FHIT: variants seen among roughly 807,000 people sequenced by gnomAD.
FHIT encodes bis(5'-adenosyl)-triphosphatase.
In FHIT, 19 loss-of-function variants were observed where a neutral mutation model predicts 17.9. The observed-to-expected ratio is 1.06, with a 90% CI of 0.74 to 1.56. FHIT has a LOEUF of 1.56. Ranked by LOEUF, FHIT falls within the 40% of genes most tolerant of loss-of-function variation. The pLI is 0.00. For synonymous variants in FHIT, 81 were observed against 69.7 expected (o/e 1.16, Z -0.81); for missense variants, 248 against 189.2 (o/e 1.31, Z -1.82).
intron 7 of FHIT, among the ~76,000 whole-genome samples, chr3:59,930,396 C>A (rs1471020479): frequency 6.6e-6 from 1 of 152,140 alleles, no homozygotes; most frequent in African/African-American, 2.4e-5. Context: ...TGCTGCTGAA[C>A]CGAAAGTTCA....
In FHIT at chr3:60,429,469, A is replaced by G. The variant is rs560636062; in HGVS notation, c.103+107391T>C. On this transcript the variant is annotated intron_variant, in intron 5 of 9. Coordinates refer to ENST00000492590, the MANE Select transcript of FHIT (RefSeq NM_002012.4). ...AGGAGGAATTTCCTGAACAGGCACA[A>G]CAACTTCAGACCCATGAGGGATGGG... Among the ~76,000 whole-genome samples, 3 of 152,116 alleles carry G rather than the reference A, an allele frequency of 2.0e-5. No homozygotes were observed. The South Asian group carries it at 6.2e-4, about 32-fold the overall frequency.
At chr3:59,814,430 A>G (rs1273780352) in intron 8 of FHIT, among the ~76,000 whole-genome samples, 5 of 152,182 alleles carry the variant, frequency 3.3e-5, no homozygotes, top group Non-Finnish European at 7.4e-5. Context: ...GGCTGCTGAC[A>G]TTTTACAAAA....
chr3:60,400,404 T>C (rs922301560), intron 5 of FHIT, among the ~76,000 whole-genome samples: 2 of 152,122 alleles, frequency 1.3e-5, no homozygotes, highest in Admixed American at 1.3e-4. Flanking sequence ...GTTCGTGGCA[T>C]CAGACTTTCC....
chr3:59,765,923 C>T (rs2106807105), intron 8 of FHIT, among the ~76,000 whole-genome samples: 1 of 152,200 alleles, frequency 6.6e-6, no homozygotes, highest in Non-Finnish European at 1.5e-5. Flanking sequence ...TGACACACAG[C>T]TCATAGGGAG....
chr3:59,808,366 G>A (rs1306639031), intron 8 of FHIT, among the ~76,000 whole-genome samples: 1 of 152,152 alleles, frequency 6.6e-6, no homozygotes, highest in Non-Finnish European at 1.5e-5. Context: ...GGCTTGAAAG[G>A]CTGGCTCTTC....
chr3:60,259,988 A>G (rs1416444219), intron 5 of FHIT, among the ~76,000 whole-genome samples: 3 of 152,092 alleles, frequency 2.0e-5, no homozygotes. Flanking sequence ...CTTCCAGAGC[A>G]TGAAAATGAA....
At chr3:61,215,161 A>G (rs952063352) in intron 1 of FHIT, among the ~76,000 whole-genome samples, 9 of 152,170 alleles carry the variant, frequency 5.9e-5, no homozygotes, top group East Asian at 3.9e-4. Flanking sequence ...TGGCCAGGGC[A>G]ATCAGGCAGG....
At chr3:60,560,865 T>C in intron 4 of FHIT, among the ~76,000 whole-genome samples, 1 of 140,914 alleles carries the variant, frequency 7.1e-6, no homozygotes, top group East Asian at 2.1e-4. Context: ...AGAGTGTGTG[T>C]GTGTGTGTCA....
chr3:60,769,233 G>A (rs1699958712), intron 4 of FHIT, among the ~76,000 whole-genome samples: 1 of 152,076 alleles, frequency 6.6e-6, no homozygotes, highest in Non-Finnish European at 1.5e-5. Context: ...ACAACACCCT[G>A]AAAAGCTAAA....
At chr3:60,966,390 G>A (rs1273258131) in intron 3 of FHIT, among the ~76,000 whole-genome samples, 1 of 152,236 alleles carries the variant, frequency 6.6e-6, no homozygotes. Context: ...CACTTCCCAG[G>A]TGAGGCGATG....
intron 5 of FHIT, among the ~76,000 whole-genome samples, chr3:60,203,273 C>G (rs1017457254): frequency 6.6e-6 from 1 of 152,058 alleles, no homozygotes; most frequent in Non-Finnish European, 1.5e-5. Context: ...ATTAAGAAAC[C>G]TATACCTTCA....
Position 60,780,558 on chromosome 3 carries a change from C to T in FHIT, c.-18+41361G>A, listed in dbSNP as rs1325686604. ...AATAACCTGGTTTGTCTGTTCTTGC[C>T]TTCAGGCCATTAAACTCTAAACAAT... On this transcript the variant is annotated intron_variant, in intron 4 of 9. Coordinates refer to ENST00000492590, the MANE Select transcript of FHIT (RefSeq NM_002012.4). 2.6e-5 allele frequency among the ~76,000 whole-genome samples: 4 copies of T among 152,054 alleles called. No individual in the cohort carries two copies. The East Asian group carries it at 7.7e-4, about 29-fold the overall frequency.
rs927117973 is a variant in FHIT at position 60,023,140 on chromosome 3, G to A, written c.104-8988C>T. ...CAATAGAAGAAATAAATTGCACTCA[G>A]CAGCTGAAGAAATATTTAAAGATAA... On this transcript the variant is annotated intron_variant, in intron 5 of 9. Transcript: ENST00000492590. Among the ~76,000 whole-genome samples, 4 of 152,314 alleles carry A rather than the reference G, an allele frequency of 2.6e-5. No individual in the cohort carries two copies. The East Asian group carries it at 5.8e-4, about 22-fold the overall frequency.
chr3:60,310,395 T>C (rs1018569325), intron 5 of FHIT, among the ~76,000 whole-genome samples: 3 of 151,982 alleles, frequency 2.0e-5, no homozygotes, highest in Non-Finnish European at 4.4e-5. Context: ...AGAACAAGAA[T>C]TGGGTGGAGG....
chr3:60,259,840 A>G (rs1393336727), intron 5 of FHIT, among the ~76,000 whole-genome samples: 1 of 152,056 alleles, frequency 6.6e-6, no homozygotes, highest in Non-Finnish European at 1.5e-5. Context: ...GAGAAAGAGT[A>G]AAGAGTGGGT....
At chr3:59,888,569 A>G (rs764434575) in intron 8 of FHIT, among the ~76,000 whole-genome samples, 3 of 152,326 alleles carry the variant, frequency 2.0e-5, no homozygotes, top group South Asian at 4.1e-4. Flanking sequence ...ATGGGAAAAA[A>G]TCAAGACCCT....
intron 5 of FHIT, among the ~76,000 whole-genome samples, chr3:60,171,775 A>C (rs1244180960): frequency 6.6e-6 from 1 of 152,138 alleles, no homozygotes; most frequent in Non-Finnish European, 1.5e-5. Flanking sequence ...GCATCATTAC[A>C]GTTCACTGTA....
Position 60,178,357 on chromosome 3 carries a change from C to T in FHIT, c.104-164205G>A, listed in dbSNP as rs552656064. The stretch of plus-strand genomic sequence containing the variant: ...ATCCCAGCACTTTGGGAGGCTGAGG[C>T]GGGCGGATCACCTCAGGTCGGGAGT... On this transcript the variant is annotated intron_variant, in intron 5 of 9. Transcript: ENST00000492590. Among the ~76,000 whole-genome samples, 51 of 152,050 alleles carry T rather than the reference C, an allele frequency of 3.4e-4. 1 individual carries two copies. Among genetic ancestry groups the T allele is most frequent in the South Asian group, 4.1e-4 (2 of 4,820 alleles).
chr3:60,972,503 T>C (rs1466001607), intron 3 of FHIT, among the ~76,000 whole-genome samples: 2 of 152,108 alleles, frequency 1.3e-5, no homozygotes, highest in Non-Finnish European at 2.9e-5. Context: ...GATGCATTTA[T>C]TTGTCTTCAA....
Sources: allele counts gnomAD v4.1 joint callset (sites outside exome capture counted in the v4.1 genomes callset), GRCh38; gene constraint gnomAD v4.1.1; transcripts MANE v1.5; gene names NCBI Gene and HGNC (gene_info 2026-07-23, HGNC 2026-07-21).